The following RAF1 variants were observed in gnomAD, a reference collection of about 807,000 sequenced individuals.
The protein encoded by RAF1 is RAF proto-oncogene serine/threonine-protein kinase.
Under a neutral mutation model 81.1 loss-of-function variants are expected in RAF1, and 27 were observed. The ratio of observed to expected loss-of-function variants is 0.33; its 90% confidence interval spans 0.25 to 0.46. RAF1 has a LOEUF of 0.46. Among genes scored for constraint, RAF1 ranks in the 20% least tolerant of loss-of-function variants. The pLI is 1.00. For synonymous variants in RAF1, 298 were observed against 294.0 expected (o/e 1.01, Z -0.14); for missense variants, 598 against 826.0 (o/e 0.72, Z 3.38).
intron 1 of RAF1, among the ~76,000 whole-genome samples, chr3:12,642,721 A>AC (rs1559478289): frequency 1.2e-4 from 10 of 84,184 alleles, no homozygotes; most frequent in East Asian, 3.7e-4. Context: ...CACACACACA[A>AC]AATAGCTGCG....
chr3:12,594,001 A>C (rs896194541), intron 11 of RAF1, among the ~76,000 whole-genome samples: 7 of 152,228 alleles, frequency 4.6e-5, no homozygotes, highest in Middle Eastern at 6.8e-3. Context: ...TAAATAGGAC[A>C]GAGAATGTTT....
chr3:12,657,542 T>C (rs1260790425), intron 1 of RAF1, among the ~76,000 whole-genome samples: 2 of 151,862 alleles, frequency 1.3e-5, no homozygotes, highest in East Asian at 3.8e-4. Context: ...GAGGCCGAGG[T>C]GGGCAGATTA....
intron 3 of RAF1, among the ~76,000 whole-genome samples, chr3:12,611,622 C>T (rs190123902): frequency 6.6e-6 from 1 of 152,128 alleles, no homozygotes. Context: ...ATGGCGTGAA[C>T]CCGGGAGGCG....
At position 12,608,794 on chromosome 3, in the gene RAF1, C is replaced by A; in HGVS notation, c.553G>T (p.Val185Leu). The change falls in exon 5 of 18, where the codon GTG (valine) becomes TTG (leucine). Residue 185 changes from valine (V) to leucine (L), a missense_variant. Transcript: ENST00000442415. ...AGTTGTCTGATGTTACTCCAGTCCA[C>A]ACACATAGTAGGTACTTTGGTGCTA... is the stretch of plus-strand genomic sequence containing the variant. 1 of 1,614,182 alleles carries A rather than the reference C, an allele frequency of 6.2e-7. No homozygotes were observed. Among genetic ancestry groups the A allele is most frequent in the South Asian group, 1.1e-5 (1 of 91,082 alleles).
chr3:12,657,382 ATAAC>A lies in RAF1; in HGVS notation c.-27+6427_-27+6430del, dbSNP rs1442050474. Among the ~76,000 whole-genome samples the A allele has an allele frequency of 7.2e-5, 11 of 152,356 alleles. No homozygotes were observed. The South Asian group carries it at 2.3e-3, about 32-fold the overall frequency. ...GCTAGAGAACAAAGGAGAACGTAGA[ATAAC>A]TATGCACAACATAACTTTCTATATC... On this transcript the variant is annotated intron_variant, in intron 1 of 17. Coordinates refer to ENST00000442415, the MANE Select transcript of RAF1 (RefSeq NM_001354689.3).
At chr3:12,656,921 C>T (rs1169537211) in intron 1 of RAF1, among the ~76,000 whole-genome samples, 1 of 150,898 alleles carries the variant, frequency 6.6e-6, no homozygotes, top group Admixed American at 6.6e-5. Context: ...CACTTGAACC[C>T]GGGAGACAGA....
chr3:12,652,690 G>T (rs1275651470), intron 1 of RAF1, among the ~76,000 whole-genome samples: 4 of 152,218 alleles, frequency 2.6e-5, no homozygotes, highest in African/African-American at 9.6e-5. Context: ...GCTCACATCT[G>T]TAATCCCAGC....
intron 5 of RAF1, among the ~76,000 whole-genome samples, chr3:12,607,873 C>T (rs979816223): frequency 6.3e-5 from 9 of 141,968 alleles, no homozygotes; most frequent in African/African-American, 1.6e-4. Context: ...ATCACTTGAA[C>T]CTGGGAGGCA....
intron 2 of RAF1, among the ~76,000 whole-genome samples, chr3:12,612,840 T>C (rs923135045): frequency 1.3e-5 from 2 of 152,204 alleles, no homozygotes; most frequent in African/African-American, 4.8e-5. Flanking sequence ...ATATGTTCAC[T>C]AGATTCATTA....
chr3:12,654,147 T>A (rs951473593), intron 1 of RAF1, among the ~76,000 whole-genome samples: 1 of 137,610 alleles, frequency 7.3e-6, no homozygotes, highest in Non-Finnish European at 1.5e-5. Context: ...GCATACCACA[T>A]GCCTGACTAG....
intron 1 of RAF1, among the ~76,000 whole-genome samples, chr3:12,658,071 A>G (rs2060757619): frequency 6.6e-6 from 1 of 152,160 alleles, no homozygotes; most frequent in African/African-American, 2.4e-5. Context: ...ACACCAGTAC[A>G]TCCTTTCTTT....
chr3:12,649,357 G>A (rs1327258018), intron 1 of RAF1, among the ~76,000 whole-genome samples: 2 of 152,062 alleles, frequency 1.3e-5, no homozygotes. Context: ...CAGTAATTTG[G>A]GAAATCAAAG....
At chr3:12,630,060 G>C (rs2059817115) in intron 1 of RAF1, among the ~76,000 whole-genome samples, 2 of 152,156 alleles carry the variant, frequency 1.3e-5, no homozygotes, top group African/African-American at 2.4e-5. Context: ...TAGGATTATA[G>C]GCGTAAGCCA....
intron 8 of RAF1, among the ~76,000 whole-genome samples, chr3:12,601,669 T>C (rs554453773): frequency 6.6e-6 from 1 of 152,104 alleles, no homozygotes; most frequent in African/African-American, 2.4e-5. Context: ...TAAAATTATA[T>C]ATCTAATTAT....
Position 12,583,889 on chromosome 3 carries a change from A to C in RAF1, c.*625T>G, listed in dbSNP as rs748386624. ...GCTCCCTGAGAGGGCTGAGATGCGG[A>C]TTGGCCGAGTGCCTTGCCTGGAAAA... On this transcript the variant is annotated 3_prime_UTR_variant, in exon 18 of 18. Coordinates refer to ENST00000442415, the MANE Select transcript of RAF1 (RefSeq NM_001354689.3). The C allele has an allele frequency of 1.3e-5, 3 of 234,992 alleles. No individual in the cohort carries two copies. The highest frequency in any genetic ancestry group is 6.6e-5 in the African/African-American group (3 of 45,378). The allele number at this position is 234,992 out of a possible 1,614,324, so 14.6% of individuals were successfully genotyped here.
intron 1 of RAF1, among the ~76,000 whole-genome samples, chr3:12,653,158 T>C (rs1394328807): frequency 6.6e-6 from 1 of 151,354 alleles, no homozygotes; most frequent in Non-Finnish European, 1.5e-5. Context: ...GGCACAGGCC[T>C]GTAATCCTAG....
Position 12,655,000 on chromosome 3 carries a change from AC to A in RAF1, c.-27+8812del, listed in dbSNP as rs35380724. Among the ~76,000 whole-genome samples the A allele has an allele frequency of 8.9e-3, 1,135 of 127,964 alleles. 20 individuals carry two copies. Among genetic ancestry groups the A allele is most frequent in the African/African-American group, 0.025 (888 of 35,240 alleles). 83.9% of individuals were successfully genotyped at this position (127,964 alleles called of 152,430 possible). A position where few individuals can be genotyped will look rare whatever the true frequency, so the allele number is the denominator to read the frequency against. ...AGACCAACCTGGTAAACATAGTGAG[AC>A]CCCCCCCCCGCCATCTCTAAAATAG... On this transcript the variant is annotated intron_variant, in intron 1 of 17. Coordinates refer to ENST00000442415, the MANE Select transcript of RAF1 (RefSeq NM_001354689.3).
intron 1 of RAF1, among the ~76,000 whole-genome samples, chr3:12,623,590 GATGGAGACCATCCTGGCTAAC>G (rs1346885367): frequency 6.6e-6 from 1 of 152,042 alleles, no homozygotes. Context: ...GAGGTCAGGA[GATGGAGACCATCCTGGCTAAC>G]AGGGTGAAAC....
At position 12,610,090 on chromosome 3, in the gene RAF1, G is replaced by T. The variant is rs1397563121; in HGVS notation, c.321-755C>A. On this transcript the variant is annotated intron_variant, in intron 3 of 17. Transcript: ENST00000442415. The stretch of plus-strand genomic sequence containing the variant: ...TCTACTCTGAAACCACACTTTCTGT[G>T]CCTACAGTATAAATAAGACAAAAAA... Among the ~76,000 whole-genome samples, 13 of 152,310 alleles carry T rather than the reference G, an allele frequency of 8.5e-5. 1 individual carries two copies. The South Asian group carries it at 2.5e-3, about 29-fold the overall frequency.
Sources: gnomAD v4.1 joint callset for allele counts (sites outside exome capture counted in the v4.1 genomes callset) on GRCh38, gnomAD v4.1.1 for gene constraint, MANE v1.5 for transcripts, NCBI Gene and HGNC (gene_info 2026-07-23, HGNC 2026-07-21) for gene names.